The following MAP4K3 variants were observed in gnomAD, a reference collection of about 807,000 sequenced individuals.
MAP4K3 encodes the protein mitogen-activated protein kinase kinase kinase kinase 3.
MAP4K3 carries 94 observed loss-of-function variants against 143.5 expected under a neutral mutation model. The observed-to-expected ratio is 0.65, with a 90% confidence interval of 0.55 to 0.78. The LOEUF (loss-of-function observed/expected upper bound fraction) is 0.78. Ranked by LOEUF, MAP4K3 falls within the 30% of genes least tolerant of loss-of-function variation. The probability of loss-of-function intolerance (pLI) is 0.00; values close to 1 mark genes in which losing one functional copy is unlikely to be tolerated. For synonymous variants in MAP4K3, 416 were observed against 347.2 expected, an observed-to-expected ratio of 1.20 and a Z score of -2.20; for missense variants, 1,077 against 1,068.1, an observed-to-expected ratio of 1.01 and a Z score of -0.12.
intron 3 of MAP4K3, 171 bp downstream of exon 3, chr2:39,356,078 G>C (rs771815653): frequency 7.8e-6 from 4 of 515,150 alleles, no homozygotes; most frequent in African/African-American, 2.0e-5. Flanking sequence ...TGCAATATTG[G>C]TTACAGAATT....
At chr2:39,338,781 C>G (rs1399291507) in intron 4 of MAP4K3, among the ~76,000 whole-genome samples, 1 of 152,174 alleles carries the variant, frequency 6.6e-6, no homozygotes, top group Non-Finnish European at 1.5e-5. Context: ...AGACTTCAAG[C>G]AGTGTCTACT....
chr2:39,415,165 T>C (rs1479988251), intron 1 of MAP4K3, among the ~76,000 whole-genome samples: 2 of 152,216 alleles, frequency 1.3e-5, no homozygotes, highest in East Asian at 3.8e-4. Context: ...GTTATTTAAA[T>C]GTTATAGCTC....
chr2:39,366,174 GT>G (rs1469998924), intron 2 of MAP4K3, among the ~76,000 whole-genome samples: 1 of 137,588 alleles, frequency 7.3e-6, no homozygotes, highest in Non-Finnish European at 1.5e-5. Flanking sequence ...GTACAGCCTA[GT>G]TTTATACATT....
intron 12 of MAP4K3, among the ~76,000 whole-genome samples, chr2:39,324,022 A>C (rs533882245): frequency 3.4e-4 from 52 of 152,314 alleles, no homozygotes; most frequent in African/African-American, 1.2e-3. Context: ...CCATACTACC[A>C]TGCACATCAA....
intron 1 of MAP4K3, among the ~76,000 whole-genome samples, chr2:39,385,578 ATATATATATATATATTC>A (rs1305912899): frequency 3.2e-5 from 3 of 92,362 alleles, no homozygotes; most frequent in African/African-American, 1.3e-4. Context: ...ATATATATAT[ATATATATATATATATTC>A]TATATATGAG....
chr2:39,308,584 C>T (rs1682803575), intron 14 of MAP4K3, among the ~76,000 whole-genome samples: 1 of 152,078 alleles, frequency 6.6e-6, no homozygotes, highest in African/African-American at 2.4e-5. Flanking sequence ...AAAAATGAAA[C>T]AGACATCATA....
intron 1 of MAP4K3, among the ~76,000 whole-genome samples, chr2:39,395,746 G>A (rs1270776684): frequency 6.6e-6 from 1 of 152,124 alleles, no homozygotes; most frequent in East Asian, 1.9e-4. Context: ...CAAAGAATCA[G>A]ACACTCAAAT....
intron 1 of MAP4K3, among the ~76,000 whole-genome samples, chr2:39,419,031 G>C (rs548066860): frequency 1.3e-5 from 2 of 152,082 alleles, no homozygotes; most frequent in African/African-American, 4.8e-5. Flanking sequence ...AACGAAACTG[G>C]GTTAGGAGTC....
intron 4 of MAP4K3, 147 bp from the exon 5 acceptor site, chr2:39,337,728 A>G (rs1443534649): frequency 3.1e-6 from 1 of 319,122 alleles, no homozygotes; most frequent in Non-Finnish European, 5.8e-6. Context: ...ATGAATTACT[A>G]CTGTCCTACT....
chr2:39,382,373 G>A (rs774126764), intron 1 of MAP4K3, among the ~76,000 whole-genome samples: 5 of 152,206 alleles, frequency 3.3e-5, no homozygotes, highest in Non-Finnish European at 7.3e-5. Flanking sequence ...ATGTAGAAGG[G>A]CATGTCCGAT....
Position 39,325,808 on chromosome 2 carries a change from T to G in MAP4K3, c.729A>C (p.Ser243=). 1.9e-6 allele frequency: 3 copies of G among 1,602,218 alleles called. No homozygotes were observed. Among genetic ancestry groups the G allele is most frequent in the Non-Finnish European group, 2.6e-6 (3 of 1,175,706 alleles). Residue 243 remains serine (S), a synonymous_variant, in exon 11 of 34, where the codon TCA becomes TCC. Coordinates refer to ENST00000263881, the MANE Select transcript of MAP4K3 (RefSeq NM_003618.4). ...PPKLKDKMKW[S]NSFHHFVKMA... ...TTTTCACAAAGTGATGAAAACTATT[T>G]GACCTAAGAAATTTAGAAAATTAGA...
chr2:39,310,719 C>G (rs1682910599), intron 13 of MAP4K3, among the ~76,000 whole-genome samples: 1 of 152,148 alleles, frequency 6.6e-6, no homozygotes, highest in Non-Finnish European at 1.5e-5. Context: ...TGTAAGAATT[C>G]CCTTTTCTCT....
chr2:39,369,424 G>A (rs577205057), intron 2 of MAP4K3, among the ~76,000 whole-genome samples: 2 of 152,032 alleles, frequency 1.3e-5, no homozygotes, highest in African/African-American at 4.8e-5. Context: ...TGGGATTACA[G>A]GCGTGAGCTA....
intron 1 of MAP4K3, among the ~76,000 whole-genome samples, chr2:39,404,204 A>G (rs1667030016): frequency 6.6e-6 from 1 of 152,122 alleles, no homozygotes; most frequent in Non-Finnish European, 1.5e-5. Context: ...CAGAGAGAAG[A>G]GTAAAGGGGA....
chr2:39,311,333 C>T (rs956696466), intron 13 of MAP4K3, among the ~76,000 whole-genome samples: 1 of 152,194 alleles, frequency 6.6e-6, no homozygotes, highest in Non-Finnish European at 1.5e-5. Flanking sequence ...CCCGCCTCGG[C>T]CTCCTAAAGT....
chr2:39,427,854 T>C (rs1250606270), intron 1 of MAP4K3, among the ~76,000 whole-genome samples: 1 of 152,236 alleles, frequency 6.6e-6, no homozygotes, highest in Non-Finnish European at 1.5e-5. Flanking sequence ...CTGTATCTTA[T>C]ATATGTGAAA....
chr2:39,332,071 G>GT, intron 7 of MAP4K3, 82 bp from the exon 8 acceptor site: 2 of 711,472 alleles, frequency 2.8e-6, no homozygotes, highest in Non-Finnish European at 2.3e-6. Context: ...ACTTTTAAAA[G>GT]TTATTTTTAT....
At chr2:39,347,541 A>G (rs545298850) in intron 3 of MAP4K3, among the ~76,000 whole-genome samples, 12 of 152,250 alleles carry the variant, frequency 7.9e-5, no homozygotes, top group Admixed American at 7.9e-4. Flanking sequence ...AGCACAATAA[A>G]TGTAAGTTGT....
rs370471834 is a variant in MAP4K3 at position 39,265,300 on chromosome 2, T to C, written c.2039A>G (p.Asn680Ser). ...TAGGTATTTATGGCCCGTGTAAGGA[T>C]TTCTTACTGTCAAAGCAAAAATATA... Reference protein sequence around the residue: ...KWCQKCCVVRNPYTGHKYLCG... With the variant: ...KWCQKCCVVRSPYTGHKYLCG... Residue 680 changes from asparagine to serine, a missense_variant, in exon 28 of 34, where the codon AAT becomes AGT. Asn to Ser is a conservative substitution (Grantham distance 46). Coordinates refer to ENST00000263881, the MANE Select transcript of MAP4K3 (RefSeq NM_003618.4). 3.5e-5 allele frequency: 56 copies of C among 1,601,092 alleles called. No homozygotes were observed. The African/African-American group carries it at 4.6e-4, about 13-fold the overall frequency.
Sources: allele counts gnomAD v4.1 joint callset (sites outside exome capture counted in the v4.1 genomes callset), GRCh38; gene constraint gnomAD v4.1.1; transcripts MANE v1.5; gene names NCBI Gene and HGNC (gene_info 2026-07-23, HGNC 2026-07-21).